Variants in FAT4 observed in about 807,000 individuals in gnomAD.
FAT4 encodes the protein FAT atypical cadherin 4, also known as protocadherin Fat 4.
In FAT4, 84 loss-of-function variants were observed where a neutral mutation model predicts 303.9. The observed-to-expected ratio is 0.28, with a 90% CI of 0.23 to 0.33. The LOEUF is 0.33. FAT4 is among the 10% of genes least tolerant of loss of function. The pLI is 1.00. For synonymous variants in FAT4, 2,307 were observed against 2,298.8 expected, an observed-to-expected ratio of 1.00 and a Z score of -0.10; for missense variants, 6,005 against 6,146.8, an observed-to-expected ratio of 0.98 and a Z score of 0.77.
At chr4:125,467,641 C>G (rs1229198667) in intron 11 of FAT4, among the ~76,000 whole-genome samples, 1 of 152,062 alleles carries the variant, frequency 6.6e-6, no homozygotes, top group Non-Finnish European at 1.5e-5. Flanking sequence ...GGGTATAAAA[C>G]AAGAAAGAGA....
chr4:125,451,974 C>T lies in FAT4; in HGVS notation c.10964C>T (p.Ser3655Leu). 6.2e-7 allele frequency: 1 copy of T among 1,614,160 alleles called. No homozygotes were observed. The change falls in exon 10 of 18, where the codon TCA becomes TTA. Residue 3655 changes from serine (S) to leucine (L), a missense_variant. Physicochemically the swap from Ser to Leu is moderately radical, Grantham distance 145 (BLOSUM62 -2). Transcript: ENST00000394329. ...VLDSFHCSLTSGVTSLFSIPG... is the reference protein window; with the variant it reads ...VLDSFHCSLTLGVTSLFSIPG... ...GACAGCTTCCACTGCTCCCTTACTT[C>T]AGGAGTTACCAGCCTCTTCAGTATT... is the stretch of plus-strand genomic sequence containing the variant.
chr4:125,481,845 G>A (rs2126087514), intron 16 of FAT4, 107 bp downstream of exon 16: 1 of 908,160 alleles, frequency 1.1e-6, no homozygotes, highest in East Asian at 2.6e-5. Context: ...ACCCATTAGA[G>A]TTCCGACTAA....
At position 125,449,169 on chromosome 4, in the gene FAT4, T is replaced by G; in HGVS notation, c.8159T>G (p.Ile2720Ser). The G allele has an allele frequency of 6.2e-7, 1 of 1,613,958 alleles. No individual in the cohort carries two copies. Among genetic ancestry groups the G allele is most frequent in the Non-Finnish European group, 8.5e-7 (1 of 1,179,858 alleles). The part of the protein sequence containing the change: ...VNGNMENSFS[I>S]NHATGEIRSV... ...GGCAACATGGAAAATAGTTTCAGTA[T>G]CAATCATGCTACTGGTGAAATTAGA... The change falls in exon 10 of 18, where the codon ATC (isoleucine) becomes AGC (serine). Residue 2720 changes from isoleucine to serine, a missense_variant. By Grantham distance (142) the Ile-to-Ser change is moderately radical. Transcript: ENST00000394329.
At chr4:125,445,173 A>G (rs2390839) in intron 8 of FAT4, among the ~76,000 whole-genome samples, 151,205 of 152,230 alleles carry the variant, frequency 0.99, 75,098 homozygotes, top group Middle Eastern at 1. Context: ...CCACTTCTCT[A>G]TTCTTTCCCT....
intron 3 of FAT4, among the ~76,000 whole-genome samples, chr4:125,404,650 C>T (rs973126282): frequency 3.9e-5 from 6 of 152,040 alleles, no homozygotes; most frequent in African/African-American, 9.7e-5. Context: ...ACTATAGGCA[C>T]GATGTTGTAC....
chr4:125,458,777 G>A (rs866155148), intron 10 of FAT4, among the ~76,000 whole-genome samples: 28 of 151,928 alleles, frequency 1.8e-4, no homozygotes, highest in African/African-American at 6.5e-4. Flanking sequence ...ACAAGACAAA[G>A]GTAAAAACTT....
At chr4:125,463,514 A>G in intron 10 of FAT4, 49 bp from the exon 11 acceptor site, 1 of 1,134,532 alleles carries the variant, frequency 8.8e-7, no homozygotes, top group Non-Finnish European at 1.3e-6. Flanking sequence ...AACGGTGTTA[A>G]TATATTTATG....
intron 16 of FAT4, among the ~76,000 whole-genome samples, chr4:125,484,853 G>T (rs576196613): frequency 6.6e-6 from 1 of 151,940 alleles, no homozygotes; most frequent in African/African-American, 2.4e-5. Flanking sequence ...ATTTTTGGGG[G>T]GATGGGGGAC....
rs1397051518 is a variant in FAT4 at position 125,322,555 on chromosome 4, A to G, written c.5175+969A>G. ...TTCCCTCCCCAGGCCCCTCAAAGAC[A>G]TTCTAGTGTCAGTCAGCCAAAAACA... On this transcript the variant is annotated intron_variant, in intron 2 of 17. Transcript: ENST00000394329. Among the ~76,000 whole-genome samples, 3 of 152,242 alleles carry G rather than the reference A, an allele frequency of 2.0e-5. No individual in the cohort carries two copies. The East Asian group carries it at 5.8e-4, about 29-fold the overall frequency.
chr4:125,468,078 C>T (rs771374001), intron 11 of FAT4, among the ~76,000 whole-genome samples: 9 of 151,960 alleles, frequency 5.9e-5, no homozygotes, highest in Non-Finnish European at 1.0e-4. Context: ...ACAAGAGAAT[C>T]GCTTGAACCC....
At chr4:125,334,866 T>G (rs1731512854) in intron 2 of FAT4, among the ~76,000 whole-genome samples, 1 of 152,168 alleles carries the variant, frequency 6.6e-6, no homozygotes. Context: ...AACATTAAAA[T>G]ACCAATTCAT....
chr4:125,468,841 T>C (rs1486417464), intron 12 of FAT4, 22 bp downstream of exon 12: 1 of 1,594,548 alleles, frequency 6.3e-7, no homozygotes, highest in Non-Finnish European at 8.6e-7. Flanking sequence ...CATTTTATTG[T>C]TGTTGTATAT....
At chr4:125,477,407 G>A in intron 14 of FAT4, 73 bp downstream of exon 14, 1 of 1,284,386 alleles carries the variant, frequency 7.8e-7, no homozygotes, top group Non-Finnish European at 1.1e-6. Flanking sequence ...AGCATCAAAA[G>A]ATGAAATTAT....
chr4:125,476,287 A>G (rs759993154), intron 13 of FAT4, 31 bp downstream of exon 13: 65 of 1,291,640 alleles, frequency 5.0e-5, no homozygotes, highest in Non-Finnish European at 6.5e-5. Flanking sequence ...AATTTTTATT[A>G]TTACTTAAAA....
In FAT4 at chr4:125,316,287, T is replaced by C; in HGVS notation, c.-12-113T>C. ...TTGCCGGACTGGAGGTTCTTTGAAA[T>C]AGCAGAGGTCTCAGACCAAGCCGTC... On this transcript the variant is annotated intron_variant, in intron 1 of 17. Coordinates refer to ENST00000394329, the MANE Select transcript of FAT4 (RefSeq NM_001291303.3). The surrounding 1 kb of genome is among the most constrained non-coding windows in gnomAD (Gnocchi z 5.7). 7.7e-7 allele frequency: 1 copy of C among 1,304,644 alleles called. No individual in the cohort carries two copies. Among genetic ancestry groups the C allele is most frequent in the East Asian group, 2.3e-5 (1 of 42,918 alleles). The allele number at this position is 1,304,644 out of a possible 1,614,324, so 80.8% of individuals were successfully genotyped here. A position where few individuals can be genotyped will look rare whatever the true frequency, so the allele number is the denominator to read the frequency against.
intron 12 of FAT4, 57 bp downstream of exon 12, chr4:125,468,876 T>C (rs771129653): frequency 1.5e-4 from 221 of 1,500,276 alleles, no homozygotes; most frequent in Admixed American, 3.5e-4. Context: ...AAATAAAGTA[T>C]GAATTGGGGT....
chr4:125,462,274 A>G (rs1262901327), intron 10 of FAT4, among the ~76,000 whole-genome samples: 2 of 151,994 alleles, frequency 1.3e-5, no homozygotes, highest in East Asian at 1.9e-4. Flanking sequence ...CAAAGTTAGT[A>G]TGATGAAATG....
intron 2 of FAT4, among the ~76,000 whole-genome samples, chr4:125,344,812 C>T (rs1224355383): frequency 3.3e-5 from 5 of 151,972 alleles, no homozygotes; most frequent in Non-Finnish European, 5.9e-5. Context: ...CTAACTGTCC[C>T]CCCTGCCCCC....
chr4:125,468,966 C>A, intron 12 of FAT4, 147 bp downstream of exon 12: 2 of 773,024 alleles, frequency 2.6e-6, no homozygotes, highest in Non-Finnish European at 4.0e-6. Flanking sequence ...TTTTCTTTTG[C>A]TCATGACAAC....
Sources: gnomAD v4.1 joint callset for allele counts (sites outside exome capture counted in the v4.1 genomes callset) on GRCh38, gnomAD v4.1.1 for gene constraint, Gnocchi (gnomAD v3.1) non-coding constraint, MANE v1.5 for transcripts, NCBI Gene and HGNC (gene_info 2026-07-23, HGNC 2026-07-21) for gene names.